The following IQCJ variants were observed in gnomAD, a reference collection of about 807,000 sequenced individuals.
IQCJ encodes the protein IQ domain-containing protein J.
Under a neutral mutation model 11.0 loss-of-function variants are expected in IQCJ, and 9 were observed. The observed-to-expected ratio is 0.82, with a 90% CI of 0.49 to 1.43. The LOEUF is 1.43. Among genes scored for constraint, IQCJ ranks in the 40% most tolerant of loss-of-function variants. The pLI, the probability that IQCJ is intolerant of heterozygous loss-of-function variation, is 0.00. For synonymous variants in IQCJ, 55 were observed against 51.3 expected, an observed-to-expected ratio of 1.07 and a Z score of -0.31; for missense variants, 146 against 133.2, an observed-to-expected ratio of 1.10 and a Z score of -0.47.
intron 1 of IQCJ, among the ~76,000 whole-genome samples, chr3:159,102,154 T>A (rs1223526115): frequency 2.0e-5 from 3 of 152,228 alleles, no homozygotes; most frequent in Non-Finnish European, 1.5e-5. Context: ...GTGCTGTACA[T>A]CAGTTGTCAG....
intron 2 of IQCJ, among the ~76,000 whole-genome samples, chr3:159,248,735 TA>T (rs1319146240): frequency 1.3e-5 from 2 of 152,212 alleles, no homozygotes; most frequent in Non-Finnish European, 2.9e-5. Context: ...AGTGAAAATA[TA>T]TTTTAGGCTC....
rs576132394 is a variant in IQCJ at position 159,090,693 on chromosome 3, C to T, written c.9+21252C>T. On this transcript the variant is annotated intron_variant, in intron 1 of 3. Coordinates refer to ENST00000397832, the MANE Select transcript of IQCJ (RefSeq NM_001042706.3). ...GAGCTGAGTCCAGGGCTGTGGAGAG[C>T]GTACAGCGGCCTCTCTTTCCACAGG... Among the ~76,000 whole-genome samples the T allele has an allele frequency of 3.3e-5, 5 of 151,940 alleles. No homozygotes were observed. The East Asian group carries it at 5.8e-4, about 18-fold the overall frequency.
chr3:159,073,343 C>G (rs1305307521), intron 1 of IQCJ, among the ~76,000 whole-genome samples: 1 of 152,100 alleles, frequency 6.6e-6, no homozygotes, highest in Non-Finnish European at 1.5e-5. Context: ...GTGTACCTCC[C>G]TGGCTGCCAA....
intron 1 of IQCJ, among the ~76,000 whole-genome samples, chr3:159,186,568 C>T (rs1723379930): frequency 6.6e-6 from 1 of 152,194 alleles, no homozygotes. Context: ...GCAGGTCAAT[C>T]ACCCCACATG....
chr3:159,168,854 A>G (rs958397771), intron 1 of IQCJ, among the ~76,000 whole-genome samples: 3 of 152,020 alleles, frequency 2.0e-5, no homozygotes, highest in Admixed American at 1.3e-4. Flanking sequence ...CATAGAGTCA[A>G]TGGACCCACA....
intron 1 of IQCJ, 26 bp from the exon 2 acceptor site, chr3:159,245,817 T>G (rs1193250795): frequency 6.6e-7 from 1 of 1,525,360 alleles, no homozygotes; most frequent in African/African-American, 1.4e-5. Context: ...TGACAATTTG[T>G]AAGATATATC....
At chr3:159,115,531 T>G (rs913459619) in intron 1 of IQCJ, among the ~76,000 whole-genome samples, 5 of 152,192 alleles carry the variant, frequency 3.3e-5, no homozygotes, top group Non-Finnish European at 5.9e-5. Context: ...AAATTTGCCT[T>G]CTGTCTTACT....
At chr3:159,109,683 C>T (rs1460848097) in intron 1 of IQCJ, among the ~76,000 whole-genome samples, 2 of 151,594 alleles carry the variant, frequency 1.3e-5, no homozygotes, top group African/African-American at 4.8e-5. Context: ...GTGTGTGTGT[C>T]CTGCACCTTC....
At chr3:159,161,653 T>C (rs1721864354) in intron 1 of IQCJ, among the ~76,000 whole-genome samples, 1 of 152,246 alleles carries the variant, frequency 6.6e-6, no homozygotes, top group African/African-American at 2.4e-5. Flanking sequence ...CTAGGGTTTT[T>C]ATGGTTTTAG....
At chr3:159,207,363 G>T (rs769923988) in intron 1 of IQCJ, among the ~76,000 whole-genome samples, 4 of 152,120 alleles carry the variant, frequency 2.6e-5, no homozygotes, top group Non-Finnish European at 5.9e-5. Context: ...GTAGAAAAAG[G>T]CTTTATTGTT....
chr3:159,167,978 G>T lies in IQCJ; in HGVS notation c.10-77865G>T, dbSNP rs1484405009. ...TAGATGGGCCCGCAGAGGCAGGGAAGGTAAGGAAGATTGGTAGATGCTGGC... is the reference window on the plus strand; with the variant it reads ...TAGATGGGCCCGCAGAGGCAGGGAATGTAAGGAAGATTGGTAGATGCTGGC... On this transcript the variant is annotated intron_variant, in intron 1 of 3. Coordinates refer to ENST00000397832, the MANE Select transcript of IQCJ (RefSeq NM_001042706.3). Among the ~76,000 whole-genome samples, 4 of 152,170 alleles carry T rather than the reference G, an allele frequency of 2.6e-5. No homozygotes were observed. In the East Asian group the frequency reaches 5.8e-4, roughly 22 times the overall value.
chr3:159,101,126 G>T (rs1405240157), intron 1 of IQCJ, among the ~76,000 whole-genome samples: 1 of 140,238 alleles, frequency 7.1e-6, no homozygotes. Flanking sequence ...GGAGTGACCC[G>T]ATTTTCCAGG....
At chr3:159,260,915 C>T (rs1329556111) in intron 3 of IQCJ, among the ~76,000 whole-genome samples, 1 of 152,122 alleles carries the variant, frequency 6.6e-6, no homozygotes, top group Admixed American at 6.5e-5. Flanking sequence ...AAGTAAGAAC[C>T]CCTAAAGCTT....
intron 1 of IQCJ, among the ~76,000 whole-genome samples, chr3:159,095,137 G>A (rs1299829851): frequency 6.6e-6 from 1 of 151,734 alleles, no homozygotes; most frequent in Non-Finnish European, 1.5e-5. Flanking sequence ...CCAATCAATT[G>A]CACAATTCTT....
rs543859148 is a variant in IQCJ, at chr3:159,080,498, C to A, written c.9+11057C>A. 1.1e-4 allele frequency among the ~76,000 whole-genome samples: 17 copies of A among 152,206 alleles called. No individual in the cohort carries two copies. In the South Asian group the frequency reaches 2.9e-3, roughly 26 times the overall value. On this transcript the variant is annotated intron_variant, in intron 1 of 3. Transcript: ENST00000397832. ...AAATTACTCTTGATGACACCAGCCC[C>A]GCTGTCAGAGTAATTCCTGCTGGAA... is the stretch of plus-strand genomic sequence containing the variant.
At chr3:159,150,346 C>T (rs1056844315) in intron 1 of IQCJ, among the ~76,000 whole-genome samples, 1 of 152,114 alleles carries the variant, frequency 6.6e-6, no homozygotes, top group African/African-American at 2.4e-5. Flanking sequence ...TTAGGCCATC[C>T]AGGGAGGAGC....
intron 1 of IQCJ, among the ~76,000 whole-genome samples, chr3:159,070,541 A>G (rs916585407): frequency 2.0e-5 from 3 of 152,256 alleles, no homozygotes; most frequent in East Asian, 3.9e-4. Flanking sequence ...ATGCTTAAAA[A>G]TAACTGATCT....
rs992945062 is a variant in IQCJ, at chr3:159,263,623, A to G, written c.*892A>G. On this transcript the variant is annotated 3_prime_UTR_variant, in exon 4 of 4. Transcript: ENST00000397832. ...AAAAATTTTTCTTTTACTTTTGGTTATCATGTTTATTCTGTGGTAAAAAGG... is the reference window on the plus strand; with the variant it reads ...AAAAATTTTTCTTTTACTTTTGGTTGTCATGTTTATTCTGTGGTAAAAAGG... The G allele has an allele frequency of 6.1e-6, 6 of 985,110 alleles. No homozygotes were observed. The African/African-American group carries it at 1.0e-4, about 17-fold the overall frequency. 61.0% of individuals were successfully genotyped at this position (985,110 alleles called of 1,614,324 possible).
chr3:159,190,071 T>TA (rs1217466892), intron 1 of IQCJ, among the ~76,000 whole-genome samples: 1 of 152,178 alleles, frequency 6.6e-6, no homozygotes, highest in Non-Finnish European at 1.5e-5. Context: ...GGAGGATAGA[T>TA]ACAGTTTTAG....
Sources: allele counts gnomAD v4.1 joint callset (sites outside exome capture counted in the v4.1 genomes callset), GRCh38; gene constraint gnomAD v4.1.1; transcripts MANE v1.5; gene names NCBI Gene and HGNC (gene_info 2026-07-23, HGNC 2026-07-21).